Variants in LIMS1 observed in about 807,000 individuals in gnomAD.
LIMS1 encodes LIM and senescent cell antigen-like-containing domain protein 1.
LIMS1 carries 18 observed loss-of-function variants against 44.1 expected under a neutral mutation model. The ratio of observed to expected loss-of-function variants is 0.41; its 90% CI spans 0.28 to 0.61. The LOEUF is 0.61. Among genes scored for constraint, LIMS1 ranks in the 20% least tolerant of loss-of-function variants. The probability of loss-of-function intolerance (pLI) is 0.32; values close to 1 mark genes in which losing one functional copy is unlikely to be tolerated. For synonymous variants in LIMS1, 93 were observed against 149.1 expected, an observed-to-expected ratio of 0.62 and a Z score of 2.74; for missense variants, 201 against 422.0, an observed-to-expected ratio of 0.48 and a Z score of 4.59.
intron 1 of LIMS1, among the ~76,000 whole-genome samples, chr2:108,614,679 G>A (rs1388748379): frequency 6.6e-6 from 1 of 152,072 alleles, no homozygotes; most frequent in African/African-American, 2.4e-5. Context: ...ATAAATAAAG[G>A]GATAATACAG....
chr2:108,592,525 A>G (rs1686459058), intron 1 of LIMS1, among the ~76,000 whole-genome samples: 1 of 152,190 alleles, frequency 6.6e-6, no homozygotes, highest in African/African-American at 2.4e-5. Context: ...AAAATGTGCT[A>G]TGCTGAAAGA....
At chr2:108,594,722 A>G (rs150647174) in intron 1 of LIMS1, among the ~76,000 whole-genome samples, 7 of 152,346 alleles carry the variant, frequency 4.6e-5, no homozygotes, top group African/African-American at 1.7e-4. Context: ...AATTTAACCC[A>G]GTATATCAAA....
chr2:108,643,644 G>A (rs538753629), intron 1 of LIMS1, among the ~76,000 whole-genome samples: 79 of 151,154 alleles, frequency 5.2e-4, no homozygotes, highest in African/African-American at 9.7e-4. Context: ...CCCCAGTGGC[G>A]CCAGGAATGC....
chr2:108,667,197 A>C (rs2438771), intron 2 of LIMS1, among the ~76,000 whole-genome samples: 5 of 152,052 alleles, frequency 3.3e-5, no homozygotes, highest in Non-Finnish European at 5.9e-5. Flanking sequence ...AACATATACA[A>C]AGACATCACT....
rs1684475641 is a variant in LIMS1, at chr2:108,546,223, T to G, written c.32+11629T>G. ...CTAAATTAGGGTTGAGGTGTCACTTTCTGACTTGGACTAGTGATTGTTTTC... is the reference window on the plus strand; with the variant it reads ...CTAAATTAGGGTTGAGGTGTCACTTGCTGACTTGGACTAGTGATTGTTTTC... On this transcript the variant is annotated intron_variant, in intron 1 of 9. Coordinates refer to ENST00000544547, the Ensembl canonical transcript of LIMS1. Among the ~76,000 whole-genome samples the G allele has an allele frequency of 2.0e-5, 3 of 151,940 alleles. No homozygotes were observed. The South Asian group carries it at 6.2e-4, about 32-fold the overall frequency.
intron 1 of LIMS1, among the ~76,000 whole-genome samples, chr2:108,654,018 A>G (rs1690681444): frequency 8.4e-6 from 1 of 119,630 alleles, no homozygotes; most frequent in African/African-American, 2.7e-5. Flanking sequence ...AGTGAGCCTC[A>G]AAGGGATGAC....
At position 108,580,577 on chromosome 2, in the gene LIMS1, G is replaced by T. The variant is rs961067149; in HGVS notation, c.32+45983G>T. The stretch of plus-strand genomic sequence containing the variant: ...ATGTTCAGAGGCCAGTTACAAGGCT[G>T]TTGCATTAATCCACATAGGAGGTGA... On this transcript the variant is annotated intron_variant, in intron 1 of 9. Coordinates refer to ENST00000544547, the Ensembl canonical transcript of LIMS1. Among the ~76,000 whole-genome samples the T allele has an allele frequency of 3.6e-4, 55 of 152,302 alleles. 1 individual carries two copies. Among genetic ancestry groups the T allele is most frequent in the Middle Eastern group, 3.4e-3 (1 of 294 alleles).
intron 1 of LIMS1, among the ~76,000 whole-genome samples, chr2:108,648,561 C>T (rs1332512284): frequency 1.3e-5 from 2 of 152,154 alleles, no homozygotes; most frequent in Non-Finnish European, 2.9e-5. Flanking sequence ...TCAAAGTATA[C>T]TACAAGTCTA....
At chr2:108,586,134 G>T (rs1308270747) in intron 1 of LIMS1, among the ~76,000 whole-genome samples, 1 of 152,170 alleles carries the variant, frequency 6.6e-6, no homozygotes, top group African/African-American at 2.4e-5. Flanking sequence ...GGAGCTTGCA[G>T]TGAGCTGAGA....
chr2:108,605,404 G>A (rs1189310146), intron 1 of LIMS1, among the ~76,000 whole-genome samples: 2 of 152,062 alleles, frequency 1.3e-5, no homozygotes, highest in Non-Finnish European at 2.9e-5. Flanking sequence ...ATTAACCCAA[G>A]GTGGTTTCTG....
rs1419947294 is a variant in LIMS1 at position 108,676,045 on chromosome 2, A to G, written c.681+17A>G. On this transcript the variant is annotated intron_variant, in intron 6 of 9. Transcript: ENST00000544547. ...CATGTGGAGGTGAGTTCTAAATGGC[A>G]AAGGGTAACCAATCCTTTCAAATCT... 6.2e-7 allele frequency: 1 copy of G among 1,605,624 alleles called. No homozygotes were observed. Among genetic ancestry groups the G allele is most frequent in the Non-Finnish European group, 8.5e-7 (1 of 1,175,234 alleles).
chr2:108,602,713 T>C (rs1429511066), intron 1 of LIMS1, among the ~76,000 whole-genome samples: 1 of 152,230 alleles, frequency 6.6e-6, no homozygotes, highest in African/African-American at 2.4e-5. Context: ...TAGTATTTTG[T>C]TGAAGAATTT....
chr2:108,667,551 A>AAAATATATATAT (rs765279788), intron 2 of LIMS1, among the ~76,000 whole-genome samples: 4 of 130,480 alleles, frequency 3.1e-5, no homozygotes, highest in African/African-American at 5.7e-5. Context: ...AAAAAAAAAA[A>AAAATATATATAT]ATATATATAT....
intron 1 of LIMS1, among the ~76,000 whole-genome samples, chr2:108,537,509 G>A (rs1391216445): frequency 2.0e-5 from 3 of 152,188 alleles, no homozygotes; most frequent in African/African-American, 4.8e-5. Context: ...TAAGAAAATG[G>A]CCAGTGCCAT....
chr2:108,671,002 C>T, intron 3 of LIMS1, 155 bp downstream of exon 3: 1 of 1,077,124 alleles, frequency 9.3e-7, no homozygotes, highest in Admixed American at 2.0e-5. Context: ...GAAACCCCGT[C>T]TCTACTAAAA....
At chr2:108,601,264 C>T (rs1228084677) in intron 1 of LIMS1, among the ~76,000 whole-genome samples, 2 of 152,126 alleles carry the variant, frequency 1.3e-5, no homozygotes, top group Non-Finnish European at 2.9e-5. Context: ...TATATATTTT[C>T]TTACACTCAC....
At chr2:108,589,945 A>G (rs1686296780) in intron 1 of LIMS1, among the ~76,000 whole-genome samples, 1 of 152,188 alleles carries the variant, frequency 6.6e-6, no homozygotes, top group South Asian at 2.1e-4. Flanking sequence ...AGAATGTTCC[A>G]TGTGCACTTG....
chr2:108,635,666 C>G (rs1689198733), intron 1 of LIMS1, among the ~76,000 whole-genome samples: 1 of 152,022 alleles, frequency 6.6e-6, no homozygotes, highest in Non-Finnish European at 1.5e-5. Context: ...CACCACTACA[C>G]TCCAGCCTGG....
chr2:108,605,256 A>ACC (rs1371893728), intron 1 of LIMS1, among the ~76,000 whole-genome samples: 4 of 152,330 alleles, frequency 2.6e-5, no homozygotes, highest in Non-Finnish European at 5.9e-5. Flanking sequence ...TCCATGTGGT[A>ACC]CACTGTGTCC....
Sources: allele counts gnomAD v4.1 joint callset (sites outside exome capture counted in the v4.1 genomes callset), GRCh38; gene constraint gnomAD v4.1.1; transcripts MANE v1.5; gene names NCBI Gene and HGNC (gene_info 2026-07-23, HGNC 2026-07-21).